Variants in AOPEP observed in about 807,000 individuals in gnomAD.
AOPEP encodes aminopeptidase O (putative), also known as aminopeptidase O.
AOPEP carries 77 observed loss-of-function variants against 98.1 expected under a neutral mutation model. The ratio of observed to expected loss-of-function variants is 0.78; its 90% CI spans 0.65 to 0.95. The LOEUF (loss-of-function observed/expected upper bound fraction) is 0.95, where lower values mean the gene tolerates loss of function less well. AOPEP is among the 40% of genes least tolerant of loss of function. The probability of loss-of-function intolerance (pLI) is 0.00; values close to 1 mark genes in which losing one functional copy is unlikely to be tolerated. For synonymous variants in AOPEP, 346 were observed against 365.3 expected, an observed-to-expected ratio of 0.95 and a Z score of 0.60; for missense variants, 1,024 against 1,024.7, an observed-to-expected ratio of 1.00 and a Z score of 0.01.
At chr9:95,148,212 A>T in the AOPEP span, among the ~76,000 whole-genome samples, 1,516 of 152,356 alleles carry the variant, frequency 1.0e-2, 25 homozygotes, top group African/African-American at 0.035. Context: ...CTTTTAAAAA[A>T]GAATTCTGTA....
chr9:95,100,488 C>A, the AOPEP span: 1 of 231,884 alleles, frequency 4.3e-6, no homozygotes, highest in African/African-American at 2.2e-5. Flanking sequence ...ACACACAAAT[C>A]AAAATGGACA....
chr9:95,022,306 C>G (rs2063512253), intron 13 of AOPEP: 1 of 151,948 alleles, frequency 6.6e-6, no homozygotes, highest in African/African-American at 2.4e-5. Flanking sequence ...GGTTTTTTTC[C>G]TCTGAAAAAC....
chr9:94,930,751 G>GTAGAAGTGGGACTACAT lies in AOPEP; in HGVS notation c.1661+2220_1661+2221insTAGAAGTGGGACTACAT, dbSNP rs2055157638. Among the ~76,000 whole-genome samples, 1 of 152,136 alleles carries GTAGAAGTGGGACTACAT rather than the reference G, an allele frequency of 6.6e-6. No homozygotes were observed. Among genetic ancestry groups the GTAGAAGTGGGACTACAT allele is most frequent in the Non-Finnish European group, 1.5e-5 (1 of 68,020 alleles). ...AGAGAAGTGGGACTACATGGGTGAT[G>GTAGAAGTGGGACTACAT]GAGAAGGAAGTCAGGCTGAAGTGGA... On this transcript the variant is annotated intron_variant, in intron 7 of 16. Coordinates refer to ENST00000375315, the MANE Select transcript of AOPEP (RefSeq NM_001193329.3). The surrounding 1 kb of genome is among the most constrained non-coding windows in gnomAD (Gnocchi z 4.5).
intron 13 of AOPEP, among the ~76,000 whole-genome samples, chr9:95,043,251 T>TATATATATACATATATACAG (rs1564564383): frequency 1.4e-5 from 2 of 147,632 alleles, no homozygotes; most frequent in Admixed American, 6.8e-5. Flanking sequence ...TATATACAGA[T>TATATATATACATATATACAG]ATATATATAC....
At chr9:95,029,445 C>T (rs767891442) in intron 13 of AOPEP, among the ~76,000 whole-genome samples, 25 of 152,122 alleles carry the variant, frequency 1.6e-4, no homozygotes, top group Non-Finnish European at 3.5e-4. Flanking sequence ...TAAAGTTACT[C>T]GAGATCCTCA....
chr9:95,126,720 C>T, the AOPEP span: 8 of 819,236 alleles, frequency 9.8e-6, no homozygotes, highest in Non-Finnish European at 1.6e-5. Context: ...AAGAACGAAC[C>T]ACTGCTGTAC....
intron 11 of AOPEP, among the ~76,000 whole-genome samples, chr9:94,988,917 T>C (rs1218735518): frequency 6.6e-6 from 1 of 151,710 alleles, no homozygotes; most frequent in Non-Finnish European, 1.5e-5. Flanking sequence ...CCTTTCTTTT[T>C]TTTTTTTTTT....
rs543040367 is a variant in AOPEP at position 95,052,949 on chromosome 9, T to C, written c.2116-7745T>C. On this transcript the variant is annotated intron_variant, in intron 13 of 16. Transcript: ENST00000375315. ...TTGCACAGAACCAATGTTAAAATGT[T>C]ATGACTAAGACTAGAGAGACAATGA... is the stretch of plus-strand genomic sequence containing the variant. Among the ~76,000 whole-genome samples the C allele has an allele frequency of 2.0e-5, 3 of 152,316 alleles. No homozygotes were observed. The South Asian group carries it at 6.2e-4, about 32-fold the overall frequency.
intron 13 of AOPEP, among the ~76,000 whole-genome samples, chr9:95,043,251 T>TATATATATACATACATATACAG (rs2065507772): frequency 6.8e-6 from 1 of 147,632 alleles, no homozygotes; most frequent in African/African-American, 2.5e-5. Flanking sequence ...TATATACAGA[T>TATATATATACATACATATACAG]ATATATATAC....
At chr9:95,005,510 T>C (rs1280112156) in intron 12 of AOPEP, 32 bp from the exon 13 acceptor site, 1 of 1,602,992 alleles carries the variant, frequency 6.2e-7, no homozygotes, top group East Asian at 2.2e-5. Flanking sequence ...CCCTGTCGCC[T>C]TCTTTGAAAT....
rs546005204 is a variant in AOPEP at position 95,064,846 on chromosome 9, C to T, written c.2232+4036C>T. On this transcript the variant is annotated intron_variant, in intron 14 of 16. Transcript: ENST00000375315. ...CAAGCACTTAATGATTAATAGAACT[C>T]TAGAGGAACTTACCAAAGGGGCAAA... Among the ~76,000 whole-genome samples the T allele has an allele frequency of 8.5e-5, 13 of 152,298 alleles. No homozygotes were observed. The South Asian group carries it at 2.7e-3, about 32-fold the overall frequency.
intron 1 of AOPEP, among the ~76,000 whole-genome samples, chr9:94,729,880 G>T: frequency 6.6e-6 from 1 of 152,156 alleles, no homozygotes; most frequent in East Asian, 1.9e-4. Flanking sequence ...GAGTCTCGAT[G>T]AAAAAAGAAA....
chr9:95,083,655 C>T (rs1324637857), intron 16 of AOPEP, among the ~76,000 whole-genome samples: 1 of 151,450 alleles, frequency 6.6e-6, no homozygotes, highest in African/African-American at 2.4e-5. Flanking sequence ...ACAGCGCGTG[C>T]ACCACACAGA....
Position 94,924,192 on chromosome 9 carries a change from C to T in AOPEP, c.1554+17C>T. ...GCACAGCAGGTGGGTTAAAGTGACCCTAAGTATTTCACTACCCAGAGTCAA... is the reference window on the plus strand; with the variant it reads ...GCACAGCAGGTGGGTTAAAGTGACCTTAAGTATTTCACTACCCAGAGTCAA... On this transcript the variant is annotated intron_variant, in intron 6 of 16. Transcript: ENST00000375315. 7.5e-7 allele frequency: 1 copy of T among 1,340,422 alleles called. No homozygotes were observed. The highest frequency in any genetic ancestry group is 2.0e-5 in the South Asian group (1 of 49,822). The allele number at this position is 1,340,422 out of a possible 1,614,324, so 83.0% of individuals were successfully genotyped here. A position where few individuals can be genotyped will look rare whatever the true frequency, so the allele number is the denominator to read the frequency against.
intron 3 of AOPEP, among the ~76,000 whole-genome samples, chr9:94,774,985 AC>A (rs1841760611): frequency 6.6e-6 from 1 of 152,014 alleles, no homozygotes; most frequent in Non-Finnish European, 1.5e-5. Context: ...TATACTGAAG[AC>A]CTAGATTTTT....
At chr9:94,856,445 C>T (rs2044223028) in intron 5 of AOPEP, among the ~76,000 whole-genome samples, 1 of 151,910 alleles carries the variant, frequency 6.6e-6, no homozygotes, top group Admixed American at 6.6e-5. Context: ...AGTTTGAGAC[C>T]AGCCTGACCA....
At position 95,069,354 on chromosome 9, in the gene AOPEP, G is replaced by A. The variant is rs971794351; in HGVS notation, c.2232+8544G>A. ...ACGATGGTCACTGTTTCTGCCAGCAGTAAAAGTCCCTTTCAGCAAAGGCTG... is the reference window on the plus strand; with the variant it reads ...ACGATGGTCACTGTTTCTGCCAGCAATAAAAGTCCCTTTCAGCAAAGGCTG... On this transcript the variant is annotated intron_variant, in intron 14 of 16. Transcript: ENST00000375315. Among the ~76,000 whole-genome samples, 3 of 152,220 alleles carry A rather than the reference G, an allele frequency of 2.0e-5. No homozygotes were observed. In the East Asian group the frequency reaches 5.8e-4, roughly 29 times the overall value.
chr9:94,750,016 G>A (rs12352856), intron 1 of AOPEP, among the ~76,000 whole-genome samples: 13,492 of 152,286 alleles, frequency 0.089, 712 homozygotes, highest in African/African-American at 0.13. Context: ...TTAACAGACA[G>A]TTAACTTGGC....
chr9:95,117,306 C>T, the AOPEP span: 1 of 1,613,768 alleles, frequency 6.2e-7, no homozygotes, highest in East Asian at 2.2e-5. Context: ...AAAGTCAACC[C>T]TAACTCACCT....
Sources: allele counts gnomAD v4.1 joint callset (sites outside exome capture counted in the v4.1 genomes callset), GRCh38; gene constraint gnomAD v4.1.1; non-coding constraint Gnocchi (gnomAD v3.1); transcripts MANE v1.5; gene names NCBI Gene and HGNC (gene_info 2026-07-23, HGNC 2026-07-21).